PIGF: variants seen among roughly 807,000 people sequenced by gnomAD.
PIGF encodes GPI ethanolamine phosphate transferase, stabilizing subunit.
In PIGF, 23 loss-of-function variants were observed where a neutral mutation model predicts 26.0. The ratio of observed to expected loss-of-function variants is 0.88; its 90% CI spans 0.64 to 1.25. The LOEUF (loss-of-function observed/expected upper bound fraction) is 1.25, where lower values mean the gene tolerates loss of function less well. PIGF is among the 50% of genes most tolerant of loss of function. The pLI is 0.00. For synonymous variants in PIGF, 93 were observed against 92.6 expected (o/e 1.00, Z -0.03); for missense variants, 278 against 249.9 (o/e 1.11, Z -0.76).
rs981809063 is a variant in PIGF, at chr2:46,598,813, G to A, written c.438-6230C>T. ...AAAACCACTGAATTATACACTTTGA[G>A]TGAATTCTATGGTATACAGTTATAT... On this transcript the variant is annotated intron_variant, in intron 4 of 5. Transcript: ENST00000281382. Among the ~76,000 whole-genome samples the A allele has an allele frequency of 5.4e-4, 82 of 152,224 alleles. 1 individual carries two copies. Among genetic ancestry groups the A allele is most frequent in the African/African-American group, 2.0e-3 (82 of 41,506 alleles).
chr2:46,584,356 T>C, intron 5 of PIGF, among the ~76,000 whole-genome samples: 1 of 152,178 alleles, frequency 6.6e-6, no homozygotes, highest in Non-Finnish European at 1.5e-5. Context: ...TGAGTCCCTA[T>C]ACTCTGTTAA....
In PIGF at chr2:46,581,572, G is replaced by C. The variant is rs780985258; in HGVS notation, c.566C>G (p.Thr189Arg). ...RPWQVWPISC[T>R]LGATFGYVAG... ...CACGTAGCCAAAGGTCGCTCCAAGC[G>C]TACAGGAGATGGGCCATACCTGAGG... The change falls in exon 6 of 6, where the codon ACG becomes AGG. Residue 189 changes from threonine to arginine, a missense_variant. Coordinates refer to ENST00000281382, the MANE Select transcript of PIGF (RefSeq NM_002643.4). 3.7e-6 allele frequency: 6 copies of C among 1,611,152 alleles called. No individual in the cohort carries two copies. The African/African-American group carries it at 8.0e-5, about 22-fold the overall frequency.
At chr2:46,609,093 T>TA (rs1476827815) in intron 4 of PIGF, among the ~76,000 whole-genome samples, 1 of 152,232 alleles carries the variant, frequency 6.6e-6, no homozygotes, top group Non-Finnish European at 1.5e-5. Context: ...TTGTCTACAT[T>TA]AAAAATCTGT....
chr2:46,585,951 T>C (rs1172260786), intron 5 of PIGF, among the ~76,000 whole-genome samples: 1 of 152,176 alleles, frequency 6.6e-6, no homozygotes, highest in African/African-American at 2.4e-5. Flanking sequence ...TTTTTTTGTA[T>C]TTTTAGTAGA....
intron 4 of PIGF, among the ~76,000 whole-genome samples, chr2:46,610,955 T>C (rs910514014): frequency 1.3e-5 from 2 of 152,198 alleles, no homozygotes; most frequent in African/African-American, 4.8e-5. Context: ...TTCATTTCAG[T>C]TTCAATGCTT....
intron 4 of PIGF, among the ~76,000 whole-genome samples, chr2:46,608,946 T>C (rs1009317528): frequency 2.6e-5 from 4 of 152,226 alleles, no homozygotes; most frequent in Non-Finnish European, 4.4e-5. Context: ...TAAATTAGCA[T>C]TGACTTCAAC....
In PIGF at chr2:46,617,031, G is replaced by T. The variant is rs900484537; in HGVS notation, c.-83C>A. On this transcript the variant is annotated 5_prime_UTR_variant, in exon 1 of 6. Coordinates refer to ENST00000281382, the MANE Select transcript of PIGF (RefSeq NM_002643.4). ...ACTGCCTCCTACCATCAGGTACGAC[G>T]GGCGGCCCAGGCCCACGCGCAGGCG... 3 of 587,796 alleles carry T rather than the reference G, an allele frequency of 5.1e-6. No homozygotes were observed. The highest frequency in any genetic ancestry group is 2.9e-5 in the East Asian group (1 of 33,968). The allele number at this position is 587,796 out of a possible 1,614,324, so 36.4% of individuals were successfully genotyped here. A position where few individuals can be genotyped will look rare whatever the true frequency, so the allele number is the denominator to read the frequency against.
chr2:46,600,513 T>C (rs929175498), intron 4 of PIGF, among the ~76,000 whole-genome samples: 2 of 152,206 alleles, frequency 1.3e-5, no homozygotes, highest in African/African-American at 2.4e-5. Flanking sequence ...TGATGATTAA[T>C]TGCTCAACAT....
chr2:46,616,557 G>C (rs908189113), intron 1 of PIGF: 2 of 153,206 alleles, frequency 1.3e-5, no homozygotes, highest in African/African-American at 4.8e-5. Flanking sequence ...GAAGTGCCAC[G>C]GGCATGACCC....
chr2:46,581,684 A>T, intron 5 of PIGF, 93 bp from the exon 6 acceptor site: 1 of 1,480,394 alleles, frequency 6.8e-7, no homozygotes, highest in Non-Finnish European at 9.1e-7. Context: ...TTAAAGCTTA[A>T]TGTGCTTTCT....
rs1670502765 is a variant in PIGF, at chr2:46,613,744, A to C, written c.270T>G (p.Ser90=). The change falls in exon 3 of 6, where the codon TCT becomes TCG. Residue 90 remains serine (S), a synonymous_variant. Coordinates refer to ENST00000281382, the MANE Select transcript of PIGF (RefSeq NM_002643.4). ...CAAAAATTACATGAAAGGAGAAACA[A>C]GACATAAGAAAGTAGATACAGCATT... The part of the protein sequence containing the change: ...FLKCCIYFLM[S]CFSFHVIFVL... The C allele has an allele frequency of 1.3e-6, 2 of 1,553,460 alleles. No individual in the cohort carries two copies. The highest frequency in any genetic ancestry group is 2.7e-5 in the African/African-American group (2 of 73,498).
At position 46,588,156 on chromosome 2, in the gene PIGF, G is replaced by A. The variant is rs116004162; in HGVS notation, c.546+4319C>T. On this transcript the variant is annotated intron_variant, in intron 5 of 5. Coordinates refer to ENST00000281382, the MANE Select transcript of PIGF (RefSeq NM_002643.4). The surrounding 1 kb of genome is among the most constrained non-coding windows in gnomAD (Gnocchi z 4.1). ...AGGGTACATGGAGAGATCTATAAGT[G>A]CTACGTTTTCTTTCTACTGTCATCT... 6.5e-4 allele frequency: 1,047 copies of A among 1,612,776 alleles called. 8 individuals are homozygous for A. In the African/African-American group the frequency reaches 0.013, roughly 19 times the overall value.
intron 1 of PIGF, 39 bp downstream of exon 1, chr2:46,616,931 T>C (rs1670658977): frequency 9.9e-6 from 3 of 303,350 alleles, no homozygotes; most frequent in African/African-American, 1.1e-4. Flanking sequence ...AGCTTGCACC[T>C]CGTGAGGCGA....
At chr2:46,590,557 A>T (rs1190540402) in intron 5 of PIGF, among the ~76,000 whole-genome samples, 1 of 152,080 alleles carries the variant, frequency 6.6e-6, no homozygotes, top group Non-Finnish European at 1.5e-5. Context: ...CCAACTCATT[A>T]AAGCTAATGT....
intron 4 of PIGF, among the ~76,000 whole-genome samples, chr2:46,610,885 C>A (rs1374299980): frequency 6.6e-6 from 1 of 152,202 alleles, no homozygotes; most frequent in Non-Finnish European, 1.5e-5. Context: ...CCAAGCTACT[C>A]AGCATGCATC....
At chr2:46,606,423 GGTT>G (rs2104121411) in intron 4 of PIGF, among the ~76,000 whole-genome samples, 1 of 151,956 alleles carries the variant, frequency 6.6e-6, no homozygotes, top group African/African-American at 2.4e-5. Flanking sequence ...TTTGTTTTGG[GGTT>G]TTTTTCTGTT....
At chr2:46,612,699 A>C (rs1440483753) in intron 3 of PIGF, among the ~76,000 whole-genome samples, 1 of 152,066 alleles carries the variant, frequency 6.6e-6, no homozygotes, top group Non-Finnish European at 1.5e-5. Context: ...GGTTCAATAC[A>C]CTATTGAACC....
At chr2:46,613,635 C>T (rs1225285442) in intron 3 of PIGF, 59 bp downstream of exon 3, 5 of 1,281,576 alleles carry the variant, frequency 3.9e-6, no homozygotes, top group East Asian at 2.6e-5. Flanking sequence ...AGAATTAGCA[C>T]ACAGTTTGGT....
At chr2:46,605,056 T>C (rs1208691021) in intron 4 of PIGF, among the ~76,000 whole-genome samples, 1 of 152,164 alleles carries the variant, frequency 6.6e-6, no homozygotes, top group East Asian at 1.9e-4. Flanking sequence ...TAACTACATA[T>C]TGGAGCAATT....
Sources: allele counts gnomAD v4.1 joint callset (sites outside exome capture counted in the v4.1 genomes callset), GRCh38; gene constraint gnomAD v4.1.1; non-coding constraint Gnocchi (gnomAD v3.1); transcripts MANE v1.5; gene names NCBI Gene and HGNC (gene_info 2026-07-23, HGNC 2026-07-21).